The following GLMN variants were observed in gnomAD, a reference collection of about 807,000 sequenced individuals.
GLMN encodes the protein glomulin.
A neutral mutation model predicts 87.8 loss-of-function variants in GLMN; 75 were observed. The observed-to-expected ratio is 0.85, with a 90% confidence interval of 0.71 to 1.04. GLMN has a LOEUF of 1.04. Ranked by LOEUF, GLMN falls within the 50% of genes least tolerant of loss-of-function variation. The probability of loss-of-function intolerance (pLI) is 0.00; values close to 1 mark genes in which losing one functional copy is unlikely to be tolerated. For synonymous variants in GLMN, 206 were observed against 221.6 expected (o/e 0.93, Z 0.63); for missense variants, 588 against 658.8 (o/e 0.89, Z 1.18).
At chr1:92,307,610 G>A in the GLMN span, among the ~76,000 whole-genome samples, 1 of 152,076 alleles carries the variant, frequency 6.6e-6, no homozygotes, top group Admixed American at 6.5e-5. Context: ...AGAAGTTACT[G>A]GGTCTTAGGA....
the GLMN span, among the ~76,000 whole-genome samples, chr1:92,332,043 G>A: frequency 1.9e-4 from 29 of 149,948 alleles, no homozygotes; most frequent in Middle Eastern, 3.5e-3. Context: ...GTTTTTTTTT[G>A]TAAGTTTTGG....
At position 92,281,998 on chromosome 1, in the gene GLMN, T is replaced by G. The variant is rs537208357; in HGVS notation, c.735+4492A>C. On this transcript the variant is annotated intron_variant, in intron 7 of 18. Coordinates refer to ENST00000370360, the MANE Select transcript of GLMN (RefSeq NM_053274.3). ...GCAAGTCCTTAGAGACCTACAAAGA[T>G]ACTTAGACTCCCACACGATAATAAT... is the stretch of plus-strand genomic sequence containing the variant. Among the ~76,000 whole-genome samples, 302 of 152,160 alleles carry G rather than the reference T, an allele frequency of 2.0e-3. 1 individual carries two copies. The highest frequency in any genetic ancestry group is 3.4e-3 in the Middle Eastern group (1 of 294).
chr1:92,268,261 T>C, intron 9 of GLMN, 126 bp from the exon 10 acceptor site: 1 of 634,182 alleles, frequency 1.6e-6, no homozygotes, highest in African/African-American at 1.8e-5. Context: ...TAAGGAGAAA[T>C]TCTGTTGAAG....
intron 3 of GLMN, among the ~76,000 whole-genome samples, chr1:92,294,261 T>A (rs576015719): frequency 1.6e-4 from 25 of 152,094 alleles, no homozygotes; most frequent in Admixed American, 2.6e-4. Context: ...AGAATTTTTT[T>A]AAAAAAAATC....
At position 92,297,400 on chromosome 1, in the gene GLMN, G is replaced by C. The variant is rs754304667; in HGVS notation, c.165+4C>G. ...TGAAAAGTAAACACCAAGATTGTAC[G>C]CACCTTATTCTTTTCATTTTGAATA... On this transcript the variant is annotated splice_donor_region_variant and intron_variant, in intron 3 of 18. Transcript: ENST00000370360. The C allele has an allele frequency of 1.9e-6, 3 of 1,608,212 alleles. No homozygotes were observed. The highest frequency in any genetic ancestry group is 1.7e-5 in the Admixed American group (1 of 59,898).
chr1:92,304,489 G>T, the GLMN span: 1 of 499,934 alleles, frequency 2.0e-6, no homozygotes, highest in South Asian at 4.0e-5. Flanking sequence ...TTAGAAAATA[G>T]TGATGTTAAA....
Position 92,281,917 on chromosome 1 carries a change from G to C in GLMN, c.735+4573C>G, listed in dbSNP as rs747111557. On this transcript the variant is annotated intron_variant, in intron 7 of 18. Transcript: ENST00000370360. Reference sequence around the variant, plus strand: ...GGTAAAGGGATAAATTCAACAAGAAGAGCTAACTATCCTAAATATATATGC... The same window carrying C: ...GGTAAAGGGATAAATTCAACAAGAACAGCTAACTATCCTAAATATATATGC... 1.8e-4 allele frequency among the ~76,000 whole-genome samples: 27 copies of C among 152,126 alleles called. 1 individual carries two copies. The highest frequency in any genetic ancestry group is 3.1e-4 in the Non-Finnish European group (21 of 68,034).
chr1:92,324,133 G>A, the GLMN span: 2 of 1,614,124 alleles, frequency 1.2e-6, no homozygotes, highest in Non-Finnish European at 1.7e-6. Flanking sequence ...TCTGGTTAAA[G>A]AAGAACTTGA....
the GLMN span, among the ~76,000 whole-genome samples, chr1:92,366,142 T>C: frequency 6.6e-6 from 1 of 152,144 alleles, no homozygotes; most frequent in African/African-American, 2.4e-5. Flanking sequence ...CATTTTAAAG[T>C]ATCTGAATGT....
At chr1:92,264,426 T>G in intron 14 of GLMN, 128 bp downstream of exon 14, 1 of 611,184 alleles carries the variant, frequency 1.6e-6, no homozygotes, top group East Asian at 2.8e-5. Flanking sequence ...GGAAAAAATA[T>G]GCCTTAATAA....
At chr1:92,368,515 CAG>C in the GLMN span, among the ~76,000 whole-genome samples, 1 of 152,160 alleles carries the variant, frequency 6.6e-6, no homozygotes. Context: ...TTTCTGTTGA[CAG>C]AATACAAACT....
intron 13 of GLMN, 147 bp from the exon 14 acceptor site, chr1:92,264,785 C>T: frequency 1.5e-6 from 1 of 662,002 alleles, no homozygotes; most frequent in Non-Finnish European, 2.7e-6. Flanking sequence ...AGGTCATCAA[C>T]CAATTACAAA....
chr1:92,318,544 C>T, the GLMN span, among the ~76,000 whole-genome samples: 1 of 151,984 alleles, frequency 6.6e-6, no homozygotes, highest in Non-Finnish European at 1.5e-5. Context: ...AACTTTGAAT[C>T]GACCACCAAC....
chr1:92,266,008 T>G (rs1418065187), intron 13 of GLMN, among the ~76,000 whole-genome samples: 6 of 152,194 alleles, frequency 3.9e-5, no homozygotes, highest in Non-Finnish European at 7.3e-5. Flanking sequence ...AAGAGCAGTA[T>G]TAGTAAGCTC....
At chr1:92,301,099 CAA>C (rs1650823045), upstream of GLMN, among the ~76,000 whole-genome samples, 1 of 152,140 alleles carries the variant, frequency 6.6e-6, no homozygotes, top group African/African-American at 2.4e-5. Context: ...ATTAACCATA[CAA>C]AGAGTATATA....
intron 16 of GLMN, among the ~76,000 whole-genome samples, chr1:92,260,765 GA>G (rs765865353): frequency 3.5e-4 from 35 of 100,068 alleles, no homozygotes; most frequent in Middle Eastern, 6.2e-3. Flanking sequence ...CTTTGAGATG[GA>G]AAAAAAAAAA....
chr1:92,339,678 A>G, the GLMN span, among the ~76,000 whole-genome samples: 2 of 152,024 alleles, frequency 1.3e-5, no homozygotes, highest in East Asian at 1.9e-4. Context: ...CATAGAATTG[A>G]TAAGTAGTGA....
intron 13 of GLMN, among the ~76,000 whole-genome samples, chr1:92,265,077 G>C (rs949128428): frequency 6.6e-6 from 1 of 152,048 alleles, no homozygotes; most frequent in African/African-American, 2.4e-5. Context: ...TCCTGACCTC[G>C]TGATCCGCCT....
Position 92,246,412 on chromosome 1 carries a change from A to C in GLMN, c.*118T>G. On this transcript the variant is annotated 3_prime_UTR_variant, in exon 19 of 19. Transcript: ENST00000370360. ...CATTATAGAAATTGATAAATGAGAA[A>C]AGCTACATTTATTTTTCAAGCAGTA... 3.1e-6 allele frequency: 2 copies of C among 636,478 alleles called. No homozygotes were observed. Among genetic ancestry groups the C allele is most frequent in the Non-Finnish European group, 5.6e-6 (2 of 355,454 alleles). 39.4% of individuals were successfully genotyped at this position (636,478 alleles called of 1,614,324 possible). A position where few individuals can be genotyped will look rare whatever the true frequency, so the allele number is the denominator to read the frequency against.
Sources: gnomAD v4.1 joint callset for allele counts (sites outside exome capture counted in the v4.1 genomes callset) on GRCh38, gnomAD v4.1.1 for gene constraint, MANE v1.5 for transcripts, NCBI Gene and HGNC (gene_info 2026-07-23, HGNC 2026-07-21) for gene names.